Variants in CCHCR1 observed in about 807,000 individuals in gnomAD.
CCHCR1 encodes HCR (a-helix coiled-coil rod homologue).
CCHCR1 carries 91 observed loss-of-function variants against 114.6 expected under a neutral mutation model. The observed-to-expected ratio is 0.79, with a 90% CI of 0.67 to 0.94. The LOEUF (loss-of-function observed/expected upper bound fraction) is 0.94. Among genes scored for constraint, CCHCR1 ranks in the 40% least tolerant of loss-of-function variants. CCHCR1 has a pLI of 0.00. For missense variants in CCHCR1, 899 were observed against 1,079.9 expected (o/e 0.83, Z 2.35); for synonymous variants, 379 against 428.5 (o/e 0.88, Z 1.43).
Position 31,151,145 on chromosome 6 carries a change from A to G in CCHCR1, c.802-23T>C. On this transcript the variant is annotated intron_variant, in intron 4 of 17. Transcript: ENST00000396268. The surrounding 1 kb of genome is among the most constrained non-coding windows in gnomAD (Gnocchi z 4.1). ...CAGCTGCGGAAAGAAGAGGGGGCTC[A>G]GCAGAGGCTCGACCCCACATGGAGG... is the stretch of plus-strand genomic sequence containing the variant. 2.5e-6 allele frequency: 4 copies of G among 1,605,406 alleles called. No individual in the cohort carries two copies. Among genetic ancestry groups the G allele is most frequent in the Non-Finnish European group, 3.4e-6 (4 of 1,176,444 alleles).
rs745746346 is a variant in CCHCR1 at position 31,143,435 on chromosome 6, G to C, written c.2168-22C>G. On this transcript the variant is annotated intron_variant, in intron 15 of 17. Coordinates refer to ENST00000396268, the MANE Select transcript of CCHCR1 (RefSeq NM_001105564.2). The surrounding 1 kb of genome is among the most constrained non-coding windows in gnomAD (Gnocchi z 5.3). ...ACCACTACAGAGAGGCCAAGGCACA[G>C]AGGAGGCAGGTGTGAGTCAGGCCAG... 6.2e-7 allele frequency: 1 copy of C among 1,611,208 alleles called. No individual in the cohort carries two copies. The highest frequency in any genetic ancestry group is 1.1e-5 in the South Asian group (1 of 91,044).
intron 17 of CCHCR1, 56 bp downstream of exon 17, chr6:31,142,904 AGAG>A (rs1773746216): frequency 1.3e-6 from 2 of 1,559,652 alleles, no homozygotes; most frequent in South Asian, 1.2e-5. Flanking sequence ...GAGAGTCTGA[AGAG>A]GAGATTCCTG....
chr6:31,157,296 T>TAC (rs1338707619), intron 1 of CCHCR1, 89 bp downstream of exon 1: 1 of 910,624 alleles, frequency 1.1e-6, no homozygotes, highest in East Asian at 2.7e-5. Flanking sequence ...CAAGCAACTA[T>TAC]CAAGTGGAGA....
At chr6:31,153,313 G>C (rs1429542584) in intron 4 of CCHCR1, among the ~76,000 whole-genome samples, 1 of 151,844 alleles carries the variant, frequency 6.6e-6, no homozygotes, top group African/African-American at 2.4e-5. Flanking sequence ...AATCTCCTTT[G>C]TCCATTTTCT....
rs1773833734 is a variant in CCHCR1, at chr6:31,143,374, T to G, written c.2207A>C (p.Glu736Ala). ...LRQIQRRAAQ[E>A]KERSQELRRL... is the part of the protein sequence containing the mutation. Reference sequence around the variant, plus strand: ...CCTGAGTTCCTGGCTCCGCTCCTTTTCCTGGGCGGCTCTGCGCTGAATCTG... The same window carrying G: ...CCTGAGTTCCTGGCTCCGCTCCTTTGCCTGGGCGGCTCTGCGCTGAATCTG... The change falls in exon 16 of 18, where the codon GAA (glutamate) becomes GCA (alanine). Residue 736 changes from glutamate to alanine, a missense_variant. Coordinates refer to ENST00000396268, the MANE Select transcript of CCHCR1 (RefSeq NM_001105564.2). The surrounding 1 kb of genome is among the most constrained non-coding windows in gnomAD (Gnocchi z 5.3). 2 of 1,612,838 alleles carry G rather than the reference T, an allele frequency of 1.2e-6. No homozygotes were observed. Among genetic ancestry groups the G allele is most frequent in the Non-Finnish European group, 1.7e-6 (2 of 1,180,036 alleles).
chr6:31,148,631 C>T lies in CCHCR1; in HGVS notation c.1460G>A (p.Arg487His), dbSNP rs145851882. The T allele has an allele frequency of 7.4e-6, 12 of 1,611,956 alleles. No homozygotes were observed. Among genetic ancestry groups the T allele is most frequent in the South Asian group, 2.2e-5 (2 of 91,062 alleles). Residue 487 changes from arginine (R) to histidine (H), a missense_variant, in exon 9 of 18, where the codon CGT becomes CAT. By Grantham distance (29) the Arg-to-His change is conservative. Coordinates refer to ENST00000396268, the MANE Select transcript of CCHCR1 (RefSeq NM_001105564.2). ...QDKAAEVEVE[R>H]MGAKGLQLEL... is the part of the protein sequence containing the mutation. Reference sequence around the variant, plus strand: ...GCTGACACCAACCTTGGCACCCATACGCTCCACCTCCACCTCTGCGGCTTT... The same window carrying T: ...GCTGACACCAACCTTGGCACCCATATGCTCCACCTCCACCTCTGCGGCTTT...
intron 4 of CCHCR1, among the ~76,000 whole-genome samples, chr6:31,153,312 T>C (rs995437681): frequency 5.3e-5 from 8 of 152,120 alleles, no homozygotes; most frequent in African/African-American, 1.9e-4. Context: ...AAATCTCCTT[T>C]GTCCATTTTC....
rs566103380 is a variant in CCHCR1, at chr6:31,154,427, G to A, written c.801+69C>T. On this transcript the variant is annotated intron_variant, in intron 4 of 17. Coordinates refer to ENST00000396268, the MANE Select transcript of CCHCR1 (RefSeq NM_001105564.2). This position sits in a 1 kb window ranked among gnomAD's most constrained non-coding sequence, Gnocchi z 4.1. ...ATGGAGGGTCTTTTCTGCAATACCT[G>A]TTCTTTGCTTGGAAGCTACTGCCCA... 3.1e-6 allele frequency: 4 copies of A among 1,296,640 alleles called. No homozygotes were observed. In the African/African-American group the frequency reaches 4.4e-5, roughly 14 times the overall value. 80.3% of individuals were successfully genotyped at this position (1,296,640 alleles called of 1,614,324 possible).
rs1376257475 is a variant in CCHCR1, at chr6:31,143,311, C to T, written c.2270G>A (p.Arg757Gln). Reference protein sequence around the residue: ...QEEARKEEGQRLARRLQELER... With the variant: ...QEEARKEEGQQLARRLQELER... ...TAGCTCCTGCAAGCGCCGGGCCAGT[C>T]GCTGCCCCTCCTCCTTCCGGGCCTC... Residue 757 changes from arginine to glutamine, a missense_variant, in exon 16 of 18, where the codon CGA (arginine) becomes CAA (glutamine). Arg to Gln is a conservative substitution (Grantham distance 43). Transcript: ENST00000396268. The surrounding 1 kb of genome is among the most constrained non-coding windows in gnomAD (Gnocchi z 5.3). 1.7e-5 allele frequency: 27 copies of T among 1,612,658 alleles called. 1 individual carries two copies. Among genetic ancestry groups the T allele is most frequent in the Non-Finnish European group, 1.8e-5 (21 of 1,179,950 alleles).
At position 31,148,733 on chromosome 6, in the gene CCHCR1, G is replaced by A. The variant is rs763357254; in HGVS notation, c.1363-5C>T. The A allele has an allele frequency of 4.4e-6, 7 of 1,589,224 alleles. No individual in the cohort carries two copies. Among genetic ancestry groups the A allele is most frequent in the Non-Finnish European group, 5.2e-6 (6 of 1,158,368 alleles). ...TTTTTCCTGGAGTGAGGCCACCTGG[G>A]GGAGGAGAGAGAGCTAGGCAGGGCC... On this transcript the variant is annotated splice_region_variant and splice_polypyrimidine_tract_variant and intron_variant, in intron 8 of 17. Coordinates refer to ENST00000396268, the MANE Select transcript of CCHCR1 (RefSeq NM_001105564.2).
At position 31,151,203 on chromosome 6, in the gene CCHCR1, G is replaced by A; in HGVS notation, c.802-81C>T. ...TGTTCCCTTCACTCCCACTTTCTGTGACCTTAGAGAATGACCCAACCAATC... is the reference window on the plus strand; with the variant it reads ...TGTTCCCTTCACTCCCACTTTCTGTAACCTTAGAGAATGACCCAACCAATC... On this transcript the variant is annotated intron_variant, in intron 4 of 17. Transcript: ENST00000396268. This position sits in a 1 kb window ranked among gnomAD's most constrained non-coding sequence, Gnocchi z 4.1. The A allele has an allele frequency of 6.8e-7, 1 of 1,461,970 alleles. No individual in the cohort carries two copies. The highest frequency in any genetic ancestry group is 1.3e-5 in the South Asian group (1 of 75,416). 90.6% of individuals were successfully genotyped at this position (1,461,970 alleles called of 1,614,324 possible).
rs1479750415 is a variant in CCHCR1 at position 31,151,332 on chromosome 6, CCTCT to C, written c.802-214_802-211del. On this transcript the variant is annotated intron_variant, in intron 4 of 17. Transcript: ENST00000396268. The surrounding 1 kb of genome is among the most constrained non-coding windows in gnomAD (Gnocchi z 4.1). ...CGATCTCCCCCAAAACATATCTTCA[CCTCT>C]CTGTCTCCGTCTCCACTGCCACCAA... Among the ~76,000 whole-genome samples the C allele has an allele frequency of 1.3e-5, 2 of 152,214 alleles. No homozygotes were observed. The highest frequency in any genetic ancestry group is 2.9e-5 in the Non-Finnish European group (2 of 68,038).
Position 31,156,790 on chromosome 6 carries a change from T to G in CCHCR1, c.438A>C (p.Gln146His), listed in dbSNP as rs771069958. Residue 146 changes from glutamine (Q) to histidine (H), a missense_variant, in exon 3 of 18, where the codon CAA becomes CAC. Coordinates refer to ENST00000396268, the MANE Select transcript of CCHCR1 (RefSeq NM_001105564.2). ...SERRLDTQRP[Q>H]VTMWERDVSS... ...AAACATCCCGTTCCCACATGGTCACTTGAGGTCTCTGGGTGTCTAGCCGCC... is the reference window on the plus strand; with the variant it reads ...AAACATCCCGTTCCCACATGGTCACGTGAGGTCTCTGGGTGTCTAGCCGCC... 1 of 1,612,964 alleles carries G rather than the reference T, an allele frequency of 6.2e-7. No individual in the cohort carries two copies. Among genetic ancestry groups the G allele is most frequent in the South Asian group, 1.1e-5 (1 of 91,074 alleles).
rs778324681 is a variant in CCHCR1 at position 31,142,987 on chromosome 6, C to T, written c.2467G>A (p.Val823Met). The change falls in exon 17 of 18, where the codon GTG (valine) becomes ATG (methionine). Residue 823 changes from valine (V) to methionine (M), a missense_variant. By Grantham distance (21) the Val-to-Met change is conservative. Coordinates refer to ENST00000396268, the MANE Select transcript of CCHCR1 (RefSeq NM_001105564.2). The part of the protein sequence containing the change: ...CSASAPVAAA[V>M]PTRESIKGSL... ...CCTTTTATGGACTCCCTGGTGGGCA[C>T]TGCTGCTGCTACAGGTGCAGATGCT... 1.2e-6 allele frequency: 2 copies of T among 1,612,550 alleles called. No homozygotes were observed. The highest frequency in any genetic ancestry group is 2.2e-5 in the South Asian group (2 of 91,050).
At chr6:31,148,786 C>A in intron 8 of CCHCR1, 58 bp from the exon 9 acceptor site, 1 of 942,566 alleles carries the variant, frequency 1.1e-6, no homozygotes, top group South Asian at 1.3e-5. Flanking sequence ...GAGGGGGGCA[C>A]TGGAAGCAAA....
chr6:31,145,570 G>A, intron 11 of CCHCR1, 77 bp from the exon 12 acceptor site: 1 of 1,497,012 alleles, frequency 6.7e-7, no homozygotes. Context: ...AAGGGAAAAA[G>A]AGATGCAAGG....
rs1265081 is a variant in CCHCR1, at chr6:31,143,898, C to A, written c.2168-485G>T. 0.51 allele frequency among the ~76,000 whole-genome samples: 76,734 copies of A among 151,788 alleles called. 19,529 individuals carry two copies. Among genetic ancestry groups the A allele is most frequent in the Middle Eastern group, 0.6 (175 of 292 alleles). ...ACATGGTGTAATCCCGTCTCTACTG[C>A]AAATACAAAAACTAGCTGGGCATGG... On this transcript the variant is annotated intron_variant, in intron 15 of 17. Transcript: ENST00000396268. The surrounding 1 kb of genome is among the most constrained non-coding windows in gnomAD (Gnocchi z 5.3).
At position 31,154,604 on chromosome 6, in the gene CCHCR1, C is replaced by G. The variant is rs1408892402; in HGVS notation, c.693G>C (p.Glu231Asp). ...CCAAAGCAGCACGCAGGCCCTCAGC[C>G]TCAGCTCGGCCGGCCTTCTCCGCCC... ...LARAEKAGRA[E>D]AEGLRAALAG... is the part of the protein sequence containing the mutation. The change falls in exon 4 of 18, where the codon GAG becomes GAC. Residue 231 changes from glutamate (E) to aspartate (D), a missense_variant. Coordinates refer to ENST00000396268, the MANE Select transcript of CCHCR1 (RefSeq NM_001105564.2). The surrounding 1 kb of genome is among the most constrained non-coding windows in gnomAD (Gnocchi z 4.1). The G allele has an allele frequency of 6.2e-7, 1 of 1,612,960 alleles. No individual in the cohort carries two copies. The highest frequency in any genetic ancestry group is 2.2e-5 in the East Asian group (1 of 44,902).
chr6:31,153,628 G>A (rs1179091099), intron 4 of CCHCR1, among the ~76,000 whole-genome samples: 1 of 152,010 alleles, frequency 6.6e-6, no homozygotes, highest in Non-Finnish European at 1.5e-5. Context: ...CGCCCAGGCT[G>A]GAGTGCAATG....
Sources: gnomAD v4.1 joint callset for allele counts (sites outside exome capture counted in the v4.1 genomes callset) on GRCh38, gnomAD v4.1.1 for gene constraint, Gnocchi (gnomAD v3.1) non-coding constraint, MANE v1.5 for transcripts, NCBI Gene and HGNC (gene_info 2026-07-23, HGNC 2026-07-21) for gene names.